TLK2: variants seen among roughly 807,000 people sequenced by gnomAD.
The protein encoded by TLK2 is serine/threonine-protein kinase tousled-like 2.
A neutral mutation model predicts 117.3 loss-of-function variants in TLK2; 6 were observed. The ratio of observed to expected loss-of-function variants is 0.05; its 90% CI spans 0.03 to 0.10. The LOEUF (loss-of-function observed/expected upper bound fraction) is 0.10. TLK2 is among the 10% of genes least tolerant of loss of function. TLK2 has a pLI of 1.00. For synonymous variants in TLK2, 257 were observed against 316.7 expected (o/e 0.81, Z 2.00); for missense variants, 299 against 901.2 (o/e 0.33, Z 8.56).
rs560809971 is a variant in TLK2, at chr17:62,576,715, G to A, written c.1128G>A (p.Thr376=). ...TTTTACCACTGTTTTTCAGGTTAAC[G>A]TTAGCAGAATACCATGAACAAGAAG... The part of the protein sequence containing the change: ...KTNGAENETL[T]LAEYHEQEEI... The change falls in exon 13 of 22, where the codon ACG becomes ACA. Residue 376 remains threonine (T), a synonymous_variant. Transcript: ENST00000346027. 5.0e-6 allele frequency: 8 copies of A among 1,612,892 alleles called. No individual in the cohort carries two copies. Among genetic ancestry groups the A allele is most frequent in the East Asian group, 4.5e-5 (2 of 44,768 alleles).
intron 7 of TLK2, among the ~76,000 whole-genome samples, chr17:62,548,851 C>T (rs1475783472): frequency 6.6e-6 from 1 of 151,592 alleles, no homozygotes; most frequent in Non-Finnish European, 1.5e-5. Context: ...GTTCTCCTGC[C>T]TCAGCCTCCT....
At chr17:62,574,306 CGTTTAGTAAGT>C (rs2080570937) in intron 12 of TLK2, 2 of 1,534,750 alleles carry the variant, frequency 1.3e-6, no homozygotes, top group Non-Finnish European at 1.7e-6. Context: ...CCTTGATGTT[CGTTTAGTAAGT>C]TTATGTTAAA....
chr17:62,514,845 C>G lies in TLK2; in HGVS notation c.82-5928C>G, dbSNP rs558932440. Among the ~76,000 whole-genome samples the G allele has an allele frequency of 6.6e-5, 10 of 152,354 alleles. No individual in the cohort carries two copies. The East Asian group carries it at 1.9e-3, about 29-fold the overall frequency. ...CCACCTGCCTCAGCCTCCCAAAGTG[C>G]TGGGCTTACAGGCGTGAGCCACCGC... On this transcript the variant is annotated intron_variant, in intron 2 of 21. Transcript: ENST00000346027.
chr17:62,579,705 A>G (rs985804417), intron 14 of TLK2, among the ~76,000 whole-genome samples: 1 of 152,214 alleles, frequency 6.6e-6, no homozygotes, highest in Admixed American at 6.5e-5. Context: ...AGGAAATAGC[A>G]AGTGTCTTGG....
rs60162532 is a variant in TLK2, at chr17:62,551,709, G to GA, written c.532-579dup. Reference sequence around the variant, plus strand: ...GACAGAGCAAGACTACATCTCAAAAGAAAAAAAAAAAAAAGTATTATTGAG... The same window carrying GA: ...GACAGAGCAAGACTACATCTCAAAAGAAAAAAAAAAAAAAAGTATTATTGAG... On this transcript the variant is annotated intron_variant, in intron 7 of 21. Transcript: ENST00000346027. 5.4e-3 allele frequency: 672 copies of GA among 125,378 alleles called. 8 individuals carry two copies. Among genetic ancestry groups the GA allele is most frequent in the African/African-American group, 0.018 (586 of 33,256 alleles). 7.8% of individuals were successfully genotyped at this position (125,378 alleles called of 1,614,324 possible).
rs113649211 is a variant in TLK2 at position 62,503,894 on chromosome 17, AT to A, written c.82-16868del. Among the ~76,000 whole-genome samples, 72 of 142,656 alleles carry A rather than the reference AT, an allele frequency of 5.0e-4. No individual in the cohort carries two copies. The East Asian group carries it at 5.6e-3, about 11-fold the overall frequency. The allele number at this position is 142,656 out of a possible 152,430, so 93.6% of individuals were successfully genotyped here. A position where few individuals can be genotyped will look rare whatever the true frequency, so the allele number is the denominator to read the frequency against. Reference sequence around the variant, plus strand: ...CAGGCATGTGCCACCACCCCAGCTAATTTTTTTTTTTGTATTTTTAGTAGAG... The same window carrying A: ...CAGGCATGTGCCACCACCCCAGCTAATTTTTTTTTTGTATTTTTAGTAGAG... On this transcript the variant is annotated intron_variant, in intron 2 of 21. Coordinates refer to ENST00000346027, the MANE Select transcript of TLK2 (RefSeq NM_006852.6).
chr17:62,519,551 C>T (rs1482907554), intron 2 of TLK2, among the ~76,000 whole-genome samples: 2 of 152,070 alleles, frequency 1.3e-5, no homozygotes, highest in East Asian at 3.9e-4. Flanking sequence ...CGGTGGCTCA[C>T]GTCTTTAATC....
chr17:62,538,757 A>G (rs144100535), intron 7 of TLK2, among the ~76,000 whole-genome samples: 3 of 152,366 alleles, frequency 2.0e-5, no homozygotes, highest in Non-Finnish European at 2.9e-5. Context: ...TATGAAAACC[A>G]AAAGTCTAAA....
chr17:62,588,998 C>T (rs2081869399), intron 16 of TLK2, among the ~76,000 whole-genome samples: 1 of 152,112 alleles, frequency 6.6e-6, no homozygotes, highest in South Asian at 2.1e-4. Context: ...GATGACTTCC[C>T]AGTCCCATCT....
intron 11 of TLK2, among the ~76,000 whole-genome samples, chr17:62,569,036 G>A (rs1388499541): frequency 1.4e-5 from 2 of 144,946 alleles, no homozygotes; most frequent in Non-Finnish European, 3.0e-5. Flanking sequence ...GTTGTGGTGT[G>A]GCTCATGCCT....
Position 62,560,106 on chromosome 17 carries a change from A to C in TLK2, c.811A>C (p.Lys271Gln). ...ATTAAATAGATGTGTGACAATGAGCAAGAAACTCCTTATAGAAAAGGTTAG... is the reference window on the plus strand; with the variant it reads ...ATTAAATAGATGTGTGACAATGAGCCAGAAACTCCTTATAGAAAAGGTTAG... ...ERLNRCVTMS[K>Q]KLLIEKSKQE... Residue 271 changes from lysine to glutamine, a missense_variant, in exon 10 of 22, where the codon AAG becomes CAG. Transcript: ENST00000346027. 6.2e-7 allele frequency: 1 copy of C among 1,609,342 alleles called. No homozygotes were observed. Among genetic ancestry groups the C allele is most frequent in the Non-Finnish European group, 8.5e-7 (1 of 1,177,682 alleles).
chr17:62,548,109 G>A (rs2078085964), intron 7 of TLK2, among the ~76,000 whole-genome samples: 1 of 152,032 alleles, frequency 6.6e-6, no homozygotes, highest in Non-Finnish European at 1.5e-5. Context: ...ATGGTGTTAA[G>A]GAAAGTGCGC....
intron 15 of TLK2, among the ~76,000 whole-genome samples, chr17:62,583,671 G>A (rs1195915294): frequency 1.3e-5 from 2 of 151,948 alleles, no homozygotes; most frequent in South Asian, 2.1e-4. Flanking sequence ...TCTGCCTCCC[G>A]GGTTCAAGTG....
chr17:62,482,825 G>T (rs929742846), intron 2 of TLK2, among the ~76,000 whole-genome samples: 2 of 152,162 alleles, frequency 1.3e-5, no homozygotes, highest in Non-Finnish European at 2.9e-5. Flanking sequence ...AGGTGTTAGG[G>T]CTGATGCTTG....
At chr17:62,521,373 T>G (rs1457617682) in intron 3 of TLK2, among the ~76,000 whole-genome samples, 1 of 152,214 alleles carries the variant, frequency 6.6e-6, no homozygotes, top group Non-Finnish European at 1.5e-5. Flanking sequence ...TGTTCCTGTT[T>G]AAATGGAAGA....
rs1598874897 is a variant in TLK2 at position 62,601,966 on chromosome 17, C to T, written c.1721-76C>T. Reference sequence around the variant, plus strand: ...AGAGTTTGAGTTCAGTTGTCCCCTTCTTATCTGCTATTACTTTGGGTTTTT... The same window carrying T: ...AGAGTTTGAGTTCAGTTGTCCCCTTTTTATCTGCTATTACTTTGGGTTTTT... On this transcript the variant is annotated intron_variant, in intron 18 of 21. Transcript: ENST00000346027. 3 of 1,363,602 alleles carry T rather than the reference C, an allele frequency of 2.2e-6. No individual in the cohort carries two copies. In the East Asian group the frequency reaches 7.1e-5, roughly 32 times the overall value. 84.5% of individuals were successfully genotyped at this position (1,363,602 alleles called of 1,614,324 possible).
Position 62,602,070 on chromosome 17 carries a change from G to A in TLK2, c.1749G>A (p.Ala583=), listed in dbSNP as rs376534288. The stretch of plus-strand genomic sequence containing the variant: ...ATATTCTTTTAGTAAATGGTACAGC[G>A]TGTGGAGAGATAAAAATTACAGATT... The part of the protein sequence containing the change: ...PGNILLVNGT[A]CGEIKITDFG... Residue 583 remains alanine, a synonymous_variant, in exon 19 of 22, where the codon GCG becomes GCA. Transcript: ENST00000346027. The A allele has an allele frequency of 1.8e-5, 29 of 1,612,492 alleles. No homozygotes were observed. Among genetic ancestry groups the A allele is most frequent in the Admixed American group, 5.0e-5 (3 of 59,982 alleles).
intron 11 of TLK2, among the ~76,000 whole-genome samples, chr17:62,565,891 C>T (rs549113226): frequency 3.3e-5 from 5 of 152,206 alleles, no homozygotes; most frequent in African/African-American, 9.6e-5. Flanking sequence ...CACTGAAGAA[C>T]TTTATAGGAC....
At chr17:62,523,269 C>T (rs999274999) in intron 5 of TLK2, 92 bp downstream of exon 5, 24 of 1,490,356 alleles carry the variant, frequency 1.6e-5, no homozygotes, top group Non-Finnish European at 2.2e-5. Flanking sequence ...TCCTTGTGTT[C>T]ATTTGAGGCT....
Sources: allele counts gnomAD v4.1 joint callset (sites outside exome capture counted in the v4.1 genomes callset), GRCh38; gene constraint gnomAD v4.1.1; transcripts MANE v1.5; gene names NCBI Gene and HGNC (gene_info 2026-07-23, HGNC 2026-07-21).